The following FCHSD2 variants were observed in gnomAD, a reference collection of about 807,000 sequenced individuals.
The protein encoded by FCHSD2 is F-BAR and double SH3 domains protein 2.
In FCHSD2, 38 loss-of-function variants were observed where a neutral mutation model predicts 108.1. The ratio of observed to expected loss-of-function variants is 0.35; its 90% CI spans 0.27 to 0.46. The LOEUF is 0.46. FCHSD2 is among the 20% of genes least tolerant of loss of function. FCHSD2 has a pLI of 1.00. For missense variants in FCHSD2, 751 were observed against 897.8 expected, an observed-to-expected ratio of 0.84 and a Z score of 2.09; for synonymous variants, 279 against 314.7, an observed-to-expected ratio of 0.89 and a Z score of 1.20.
intron 3 of FCHSD2, among the ~76,000 whole-genome samples, chr11:73,046,653 C>T (rs561308972): frequency 3.3e-5 from 5 of 152,174 alleles, no homozygotes; most frequent in African/African-American, 1.2e-4. Context: ...AGATAGACTT[C>T]GCTTACAAGG....
intron 9 of FCHSD2, among the ~76,000 whole-genome samples, chr11:72,905,813 T>C (rs1384825637): frequency 6.6e-6 from 1 of 152,166 alleles, no homozygotes; most frequent in Non-Finnish European, 1.5e-5. Flanking sequence ...GTATATGTGC[T>C]ATATTTTCTT....
At chr11:73,088,861 A>C (rs186485521) in intron 2 of FCHSD2, among the ~76,000 whole-genome samples, 1 of 152,346 alleles carries the variant, frequency 6.6e-6, no homozygotes, top group East Asian at 1.9e-4. Context: ...CAAAAGATAA[A>C]AGGAAATATT....
chr11:73,023,068 C>A (rs1050255409), intron 3 of FCHSD2, among the ~76,000 whole-genome samples: 1 of 152,018 alleles, frequency 6.6e-6, no homozygotes, highest in Non-Finnish European at 1.5e-5. Context: ...GATTCATACA[C>A]CTCAATATAA....
intron 9 of FCHSD2, among the ~76,000 whole-genome samples, chr11:72,917,715 G>A (rs975950314): frequency 1.3e-5 from 2 of 152,130 alleles, no homozygotes; most frequent in African/African-American, 2.4e-5. Context: ...ACGAAACCCC[G>A]TCTTGACTAA....
chr11:73,122,645 G>A (rs912397254), intron 2 of FCHSD2, among the ~76,000 whole-genome samples: 1 of 152,180 alleles, frequency 6.6e-6, no homozygotes, highest in African/African-American at 2.4e-5. Context: ...AGTTTATTAA[G>A]AGAATTAATA....
chr11:72,912,144 T>TC (rs1310127755), intron 9 of FCHSD2, among the ~76,000 whole-genome samples: 25 of 152,274 alleles, frequency 1.6e-4, no homozygotes, highest in African/African-American at 5.1e-4. Context: ...TTTCTTTCTT[T>TC]TGTCTGACTG....
intron 12 of FCHSD2, among the ~76,000 whole-genome samples, chr11:72,873,599 T>C (rs142448157): frequency 8.1e-4 from 123 of 152,340 alleles, no homozygotes; most frequent in African/African-American, 2.7e-3. Flanking sequence ...GTCTAATTTA[T>C]CTAGTTTTTC....
chr11:73,047,849 G>A (rs1444893693), intron 3 of FCHSD2, among the ~76,000 whole-genome samples: 3 of 152,126 alleles, frequency 2.0e-5, no homozygotes, highest in African/African-American at 7.2e-5. Context: ...ACAAATGATG[G>A]TGAGCTAATG....
intron 9 of FCHSD2, 136 bp downstream of exon 9, chr11:72,921,692 A>T (rs946774299): frequency 1.3e-5 from 9 of 671,342 alleles, no homozygotes; most frequent in Admixed American, 1.1e-4. Flanking sequence ...ACTTTGTTAG[A>T]AGGAATGCTG....
chr11:73,016,290 G>A (rs188849741), intron 3 of FCHSD2, among the ~76,000 whole-genome samples: 1 of 149,024 alleles, frequency 6.7e-6, no homozygotes, highest in East Asian at 2.0e-4. Context: ...GTGACAGAGT[G>A]AGGCTCTGTC....
intron 3 of FCHSD2, among the ~76,000 whole-genome samples, chr11:73,059,944 T>C (rs1253250339): frequency 2.0e-5 from 3 of 152,240 alleles, no homozygotes; most frequent in African/African-American, 7.2e-5. Flanking sequence ...AAACTGTACC[T>C]TGTTTACATG....
At chr11:72,888,666 T>C (rs1855248915) in intron 11 of FCHSD2, among the ~76,000 whole-genome samples, 1 of 151,830 alleles carries the variant, frequency 6.6e-6, no homozygotes, top group African/African-American at 2.4e-5. Context: ...TCACCCAGTC[T>C]GGAGTTCAGA....
At chr11:72,862,618 T>C (rs1854624833) in intron 13 of FCHSD2, among the ~76,000 whole-genome samples, 1 of 152,190 alleles carries the variant, frequency 6.6e-6, no homozygotes, top group Non-Finnish European at 1.5e-5. Context: ...TGTTCATGGA[T>C]TGGAAAACTG....
intron 11 of FCHSD2, among the ~76,000 whole-genome samples, 167 bp downstream of exon 11, chr11:72,889,662 A>C (rs1855273586): frequency 1.3e-5 from 2 of 152,190 alleles, no homozygotes; most frequent in South Asian, 4.1e-4. Flanking sequence ...GCAGTAAGCC[A>C]TGTTCACACC....
In FCHSD2 at chr11:72,955,042, C is replaced by A. The variant is rs142964299; in HGVS notation, c.705+29046G>T. The stretch of plus-strand genomic sequence containing the variant: ...TCCCACATGCCAAGCAATTCCCTGG[C>A]AGATACCAGCTGGACATCCTCCAGT... On this transcript the variant is annotated intron_variant, in intron 8 of 19. Coordinates refer to ENST00000409418, the MANE Select transcript of FCHSD2 (RefSeq NM_014824.3). Among the ~76,000 whole-genome samples the A allele has an allele frequency of 2.6e-5, 4 of 152,302 alleles. No homozygotes were observed. The East Asian group carries it at 7.7e-4, about 29-fold the overall frequency.
intron 13 of FCHSD2, among the ~76,000 whole-genome samples, chr11:72,852,352 C>T: frequency 6.6e-6 from 1 of 152,152 alleles, no homozygotes; most frequent in Middle Eastern, 3.2e-3. Flanking sequence ...ACCATTCAAC[C>T]CAGCAATCCC....
At chr11:72,959,037 G>A (rs929373138) in intron 8 of FCHSD2, among the ~76,000 whole-genome samples, 5 of 150,998 alleles carry the variant, frequency 3.3e-5, no homozygotes, top group East Asian at 1.9e-4. Flanking sequence ...ACATCCATGC[G>A]TGCATGGGAC....
chr11:73,033,986 T>G (rs1464029612), intron 3 of FCHSD2, among the ~76,000 whole-genome samples: 1 of 152,096 alleles, frequency 6.6e-6, no homozygotes, highest in African/African-American at 2.4e-5. Flanking sequence ...ATAGAAATCA[T>G]GAAAATATAA....
Position 72,995,166 on chromosome 11 carries a change from T to C in FCHSD2, c.387+5824A>G, listed in dbSNP as rs959498715. ...GTAGCAGGTGTCAGTACTTCATTCC[T>C]TTTTATCGCCGAATAGTATTTTGTT... On this transcript the variant is annotated intron_variant, in intron 5 of 19. Coordinates refer to ENST00000409418, the MANE Select transcript of FCHSD2 (RefSeq NM_014824.3). Among the ~76,000 whole-genome samples the C allele has an allele frequency of 2.6e-5, 4 of 152,222 alleles. No homozygotes were observed. The East Asian group carries it at 7.7e-4, about 29-fold the overall frequency.
Sources: gnomAD v4.1 joint callset for allele counts (sites outside exome capture counted in the v4.1 genomes callset) on GRCh38, gnomAD v4.1.1 for gene constraint, MANE v1.5 for transcripts, NCBI Gene and HGNC (gene_info 2026-07-23, HGNC 2026-07-21) for gene names.